The following PCDH9 variants were observed in gnomAD, a reference collection of about 807,000 sequenced individuals.
PCDH9 encodes protocadherin 9, also known as protocadherin-9.
In PCDH9, 24 loss-of-function variants were observed where a neutral mutation model predicts 70.6. The observed-to-expected ratio is 0.34, with a 90% CI of 0.25 to 0.48. The LOEUF (loss-of-function observed/expected upper bound fraction) is 0.48. Ranked by LOEUF, PCDH9 falls within the 20% of genes least tolerant of loss-of-function variation. PCDH9 has a pLI of 0.99. For missense variants in PCDH9, 1,281 were observed against 1,503.6 expected (o/e 0.85, Z 2.45); for synonymous variants, 562 against 558.5 (o/e 1.01, Z -0.09).
At chr13:66,621,674 A>T (rs12871318) in intron 4 of PCDH9, among the ~76,000 whole-genome samples, 10,478 of 152,298 alleles carry the variant, frequency 0.069, 407 homozygotes, top group Middle Eastern at 0.1. Context: ...CTAAATTTTT[A>T]TTAATCTAGT....
chr13:66,349,433 A>C (rs773134636), intron 4 of PCDH9, among the ~76,000 whole-genome samples: 3 of 152,182 alleles, frequency 2.0e-5, no homozygotes. Context: ...AAGACAAGAG[A>C]GGTTTTCCTC....
At chr13:66,672,010 TC>T (rs1306444322) in intron 3 of PCDH9, among the ~76,000 whole-genome samples, 1 of 152,154 alleles carries the variant, frequency 6.6e-6, no homozygotes, top group Non-Finnish European at 1.5e-5. Context: ...CAGCAACCCT[TC>T]CCATCATAGG....
chr13:67,139,189 C>T (rs1044841791), intron 2 of PCDH9, among the ~76,000 whole-genome samples: 1 of 152,158 alleles, frequency 6.6e-6, no homozygotes, highest in African/African-American at 2.4e-5. Flanking sequence ...CCATCTGAAA[C>T]ATTAACTGAA....
At chr13:66,694,659 T>A (rs953196835) in intron 3 of PCDH9, among the ~76,000 whole-genome samples, 1 of 152,082 alleles carries the variant, frequency 6.6e-6, no homozygotes, top group South Asian at 2.1e-4. Context: ...AAAAAAGATA[T>A]GAAAACATTT....
chr13:66,637,795 T>C (rs1001711556), intron 3 of PCDH9, among the ~76,000 whole-genome samples: 6 of 151,772 alleles, frequency 4.0e-5, no homozygotes, highest in African/African-American at 1.5e-4. Context: ...GCACCTGTAG[T>C]CCCAGCTACT....
chr13:66,600,575 G>A (rs981128596), intron 4 of PCDH9, among the ~76,000 whole-genome samples: 1 of 151,778 alleles, frequency 6.6e-6, no homozygotes, highest in African/African-American at 2.4e-5. Context: ...CAGCACTTAG[G>A]AATTGTGTCT....
chr13:66,616,020 A>C (rs908966737), intron 4 of PCDH9, among the ~76,000 whole-genome samples: 1 of 152,222 alleles, frequency 6.6e-6, no homozygotes, highest in Non-Finnish European at 1.5e-5. Context: ...TCTGCCCTTT[A>C]AAGATTTGAG....
chr13:66,738,771 G>A (rs2079202525), intron 3 of PCDH9, among the ~76,000 whole-genome samples: 3 of 151,968 alleles, frequency 2.0e-5, no homozygotes, highest in Admixed American at 2.0e-4. Flanking sequence ...ATGAAATGAA[G>A]CGAGAAGGGA....
intron 3 of PCDH9, among the ~76,000 whole-genome samples, chr13:66,647,992 G>A (rs1307138806): frequency 7.9e-5 from 12 of 152,036 alleles, no homozygotes; most frequent in Non-Finnish European, 1.8e-4. Flanking sequence ...AGAAGAAAGG[G>A]TGGGAAAATC....
chr13:67,062,511 G>A (rs1241695355), intron 2 of PCDH9, among the ~76,000 whole-genome samples: 1 of 152,116 alleles, frequency 6.6e-6, no homozygotes, highest in African/African-American at 2.4e-5. Context: ...ACTGCATATT[G>A]CATATTGTAT....
intron 1 of PCDH9, among the ~76,000 whole-genome samples, chr13:67,229,500 T>C (rs979087047): frequency 2.0e-5 from 3 of 152,366 alleles, no homozygotes; most frequent in Admixed American, 2.0e-4. Context: ...AAAAGGCTTC[T>C]GCTTAGATAA....
At chr13:66,971,375 T>C (rs938441054) in intron 2 of PCDH9, among the ~76,000 whole-genome samples, 7 of 152,074 alleles carry the variant, frequency 4.6e-5, no homozygotes, top group African/African-American at 1.4e-4. Context: ...TGCAGAATAA[T>C]GTTTACTGAT....
intron 2 of PCDH9, chr13:67,215,770 A>G (rs1192287400): frequency 6.6e-6 from 1 of 152,142 alleles, no homozygotes; most frequent in Non-Finnish European, 1.5e-5. Flanking sequence ...ATATAAAATA[A>G]AATTTCAAGA....
intron 3 of PCDH9, among the ~76,000 whole-genome samples, chr13:66,767,049 C>T (rs1057403171): frequency 6.6e-6 from 1 of 151,908 alleles, no homozygotes; most frequent in East Asian, 1.9e-4. Flanking sequence ...TGTTTAAAAT[C>T]TCCTTACATT....
intron 2 of PCDH9, among the ~76,000 whole-genome samples, chr13:67,073,571 ATATAAC>A (rs2085810324): frequency 6.6e-6 from 1 of 152,212 alleles, no homozygotes; most frequent in African/African-American, 2.4e-5. Context: ...CCAATCTCTT[ATATAAC>A]TATGTGCAAT....
At chr13:66,641,166 G>A (rs2077703938) in intron 3 of PCDH9, among the ~76,000 whole-genome samples, 1 of 152,044 alleles carries the variant, frequency 6.6e-6, no homozygotes, top group Non-Finnish European at 1.5e-5. Flanking sequence ...ATCATGTAAT[G>A]GAGATCTATC....
At chr13:66,365,672 G>A (rs1956542501) in intron 4 of PCDH9, among the ~76,000 whole-genome samples, 1 of 152,114 alleles carries the variant, frequency 6.6e-6, no homozygotes, top group Non-Finnish European at 1.5e-5. Flanking sequence ...GGTATTTTTA[G>A]GTATATGAAT....
rs532229859 is a variant in PCDH9, at chr13:67,194,795, C to T, written c.3036+30610G>A. ...ACTGAAAAGTTTTGCGACTTTTTGA[C>T]ATGAGGGGCACAGTTGGAACTACTC... On this transcript the variant is annotated intron_variant, in intron 2 of 4. Coordinates refer to ENST00000377865, the MANE Select transcript of PCDH9 (RefSeq NM_203487.3). Among the ~76,000 whole-genome samples, 6 of 152,132 alleles carry T rather than the reference C, an allele frequency of 3.9e-5. No homozygotes were observed. In the East Asian group the frequency reaches 1.2e-3, roughly 29 times the overall value.
At chr13:66,396,983 A>C (rs769455191) in intron 4 of PCDH9, among the ~76,000 whole-genome samples, 4 of 152,178 alleles carry the variant, frequency 2.6e-5, no homozygotes, top group African/African-American at 4.8e-5. Flanking sequence ...CTTTGGAATC[A>C]AAAACACCTT....
Sources: allele counts gnomAD v4.1 joint callset (sites outside exome capture counted in the v4.1 genomes callset), GRCh38; gene constraint gnomAD v4.1.1; transcripts MANE v1.5; gene names NCBI Gene and HGNC (gene_info 2026-07-23, HGNC 2026-07-21).